FRAS1: variants seen among roughly 807,000 people sequenced by gnomAD.
The protein encoded by FRAS1 is extracellular matrix organizing protein FRAS1.
FRAS1 carries 290 observed loss-of-function variants against 435.2 expected under a neutral mutation model. That is an observed-to-expected ratio of 0.67 (90% CI 0.61 to 0.73). The LOEUF is 0.73. Ranked by LOEUF, FRAS1 falls within the 30% of genes least tolerant of loss-of-function variation. FRAS1 has a pLI of 0.00. For synonymous variants in FRAS1, 1,800 were observed against 1,851.0 expected (o/e 0.97, Z 0.71); for missense variants, 4,860 against 5,001.5 (o/e 0.97, Z 0.85).
intron 18 of FRAS1, among the ~76,000 whole-genome samples, chr4:78,327,313 A>G (rs1056661638): frequency 1.3e-5 from 2 of 152,222 alleles, no homozygotes; most frequent in South Asian, 4.1e-4. Flanking sequence ...TTGTGAGTCT[A>G]GAGGATTTTG....
In FRAS1 at chr4:78,515,861, C is replaced by G. The variant is rs189612722; in HGVS notation, c.10237C>G (p.Pro3413Ala). Residue 3413 changes from proline (P) to alanine (A), a missense_variant, in exon 66 of 74, where the codon CCC (proline) becomes GCC (alanine). Physicochemically the swap from Pro to Ala is conservative, Grantham distance 27. Transcript: ENST00000512123. ...TGCCCTGGGGCCTGGCTACGATCGCCCCTTCCAGTTTGACCCCAGCGTGCG... is the reference window on the plus strand; with the variant it reads ...TGCCCTGGGGCCTGGCTACGATCGCGCCTTCCAGTTTGACCCCAGCGTGCG... Reference protein sequence around the residue: ...STALGPGYDRPFQFDPSVREP... With the variant: ...STALGPGYDRAFQFDPSVREP... 6.2e-7 allele frequency: 1 copy of G among 1,614,012 alleles called. No individual in the cohort carries two copies. Among genetic ancestry groups the G allele is most frequent in the East Asian group, 2.2e-5 (1 of 44,872 alleles).
intron 58 of FRAS1, 117 bp from the exon 59 acceptor site, chr4:78,488,758 C>T: frequency 1.2e-6 from 1 of 846,034 alleles, no homozygotes; most frequent in Non-Finnish European, 1.8e-6. Flanking sequence ...GTCAGCCTAC[C>T]TTGGGCTTTG....
At chr4:78,313,862 T>A (rs1275119209) in intron 15 of FRAS1, among the ~76,000 whole-genome samples, 3 of 152,190 alleles carry the variant, frequency 2.0e-5, no homozygotes, top group African/African-American at 7.2e-5. Context: ...CAGTTTATAA[T>A]CATAGCCTTC....
At chr4:78,489,969 A>AAAAAC (rs1720294453) in intron 59 of FRAS1, among the ~76,000 whole-genome samples, 1 of 7,032 alleles carries the variant, frequency 1.4e-4, no homozygotes, top group Non-Finnish European at 3.9e-4. Flanking sequence ...AGTGGAAAAC[A>AAAAAC]AAAAAAAAAA....
At position 78,541,334 on chromosome 4, in the gene FRAS1, T is replaced by C. The variant is rs1722044575; in HGVS notation, c.*210T>C. On this transcript the variant is annotated 3_prime_UTR_variant, in exon 74 of 74. Transcript: ENST00000512123. ...AGAGTATTACAGTTATTTCCGTAGA[T>C]CCCTTTAATAGTGTCAACAACTGTA... is the stretch of plus-strand genomic sequence containing the variant. The C allele has an allele frequency of 2.6e-6, 1 of 390,614 alleles. No individual in the cohort carries two copies. Among genetic ancestry groups the C allele is most frequent in the African/African-American group, 2.1e-5 (1 of 48,400 alleles). The allele number at this position is 390,614 out of a possible 1,614,324, so 24.2% of individuals were successfully genotyped here.
intron 26 of FRAS1, among the ~76,000 whole-genome samples, chr4:78,376,543 T>A (rs1054133008): frequency 5.3e-5 from 8 of 152,294 alleles, no homozygotes; most frequent in East Asian, 3.9e-4. Context: ...TATATAAATT[T>A]GTATAGCTAA....
At chr4:78,207,161 A>G (rs1327371701) in intron 2 of FRAS1, among the ~76,000 whole-genome samples, 1 of 152,238 alleles carries the variant, frequency 6.6e-6, no homozygotes, top group Non-Finnish European at 1.5e-5. Context: ...AAGCCTTGTA[A>G]TACAATCCTT....
rs200292361 is a variant in FRAS1 at position 78,374,158 on chromosome 4, C to T, written c.3058C>T (p.Arg1020Cys). 1.7e-3 allele frequency: 2,768 copies of T among 1,605,448 alleles called. 5 individuals carry two copies. The highest frequency in any genetic ancestry group is 2.2e-3 in the Non-Finnish European group (2,617 of 1,173,858). The part of the protein sequence containing the change: ...LQCQGPHECT[R>C]CKGPFLLLEA... ...GTGCCAAGGTCCCCATGAGTGTACCCGCTGCAAAGGGCCATTTCTCCTCTT... is the reference window on the plus strand; with the variant it reads ...GTGCCAAGGTCCCCATGAGTGTACCTGCTGCAAAGGGCCATTTCTCCTCTT... Residue 1020 changes from arginine to cysteine, a missense_variant, in exon 25 of 74, where the codon CGC (arginine) becomes TGC (cysteine). Coordinates refer to ENST00000512123, the MANE Select transcript of FRAS1 (RefSeq NM_025074.7).
In FRAS1 at chr4:78,479,541, A is replaced by T. The variant is rs1719947800; in HGVS notation, c.8266A>T (p.Met2756Leu). The T allele has an allele frequency of 6.2e-7, 1 of 1,613,860 alleles. No individual in the cohort carries two copies. Among genetic ancestry groups the T allele is most frequent in the Non-Finnish European group, 8.5e-7 (1 of 1,179,848 alleles). ...TGTGACCATGTCCACCTGTGATGTC[A>T]TGCTTATTGATGACAGCGAGTATGA... ...PGVTMSTCDV[M>L]LIDDSEYEEE... is the part of the protein sequence containing the mutation. Residue 2756 changes from methionine (M) to leucine (L), a missense_variant, in exon 56 of 74, where the codon ATG (methionine) becomes TTG (leucine). Met to Leu is a conservative substitution (Grantham distance 15). Transcript: ENST00000512123.
chr4:78,428,176 A>G (rs1734066317), intron 35 of FRAS1, among the ~76,000 whole-genome samples: 1 of 152,242 alleles, frequency 6.6e-6, no homozygotes, highest in Admixed American at 6.5e-5. Flanking sequence ...TTGGATGTCA[A>G]AAAATCCAGG....
intron 14 of FRAS1, among the ~76,000 whole-genome samples, chr4:78,290,401 G>A (rs1019404071): frequency 1.3e-5 from 2 of 151,982 alleles, no homozygotes; most frequent in African/African-American, 2.4e-5. Flanking sequence ...TTAAGAGCTT[G>A]GACCCTGGAG....
Position 78,252,373 on chromosome 4 carries a change from C to G in FRAS1, c.310-19C>G. 6.8e-7 allele frequency: 1 copy of G among 1,470,412 alleles called. No individual in the cohort carries two copies. 91.1% of individuals were successfully genotyped at this position (1,470,412 alleles called of 1,614,324 possible). On this transcript the variant is annotated intron_variant, in intron 4 of 73. Coordinates refer to ENST00000512123, the MANE Select transcript of FRAS1 (RefSeq NM_025074.7). ...TTTTGGCACTAACCTTTTTTTTTTT[C>G]TGTCTCCCTAACACACAGCATGGGA...
chr4:78,367,588 A>T (rs920364427), intron 22 of FRAS1, among the ~76,000 whole-genome samples: 1 of 152,130 alleles, frequency 6.6e-6, no homozygotes, highest in Non-Finnish European at 1.5e-5. Context: ...TATGTTGCAT[A>T]TCATCACATT....
chr4:78,196,943 G>T (rs1438084685), intron 2 of FRAS1, among the ~76,000 whole-genome samples: 1 of 152,122 alleles, frequency 6.6e-6, no homozygotes, highest in Non-Finnish European at 1.5e-5. Context: ...AAAATTGGTT[G>T]CAATGCAGGG....
intron 9 of FRAS1, among the ~76,000 whole-genome samples, chr4:78,272,731 G>C (rs1726774693): frequency 6.6e-6 from 1 of 152,194 alleles, no homozygotes; most frequent in Non-Finnish European, 1.5e-5. Context: ...AGTATAGTTT[G>C]AAGTCAGGTA....
chr4:78,466,201 C>T lies in FRAS1; in HGVS notation c.7030-7C>T, dbSNP rs747089864. The T allele has an allele frequency of 4.5e-5, 73 of 1,612,522 alleles. No individual in the cohort carries two copies. The highest frequency in any genetic ancestry group is 1.6e-4 in the Middle Eastern group (1 of 6,076). ...CCCTCCCCTCTGGTATTTTGCCTTC[C>T]GGACAGGCCGAGTCTGTCACATTCA... On this transcript the variant is annotated splice_region_variant and splice_polypyrimidine_tract_variant and intron_variant, in intron 49 of 73. Coordinates refer to ENST00000512123, the MANE Select transcript of FRAS1 (RefSeq NM_025074.7).
At chr4:78,112,318 C>T (rs1003355658) in intron 2 of FRAS1, among the ~76,000 whole-genome samples, 11 of 152,106 alleles carry the variant, frequency 7.2e-5, no homozygotes, top group Non-Finnish European at 8.8e-5. Context: ...TTAAAAGACT[C>T]ACCAATCACT....
At chr4:78,317,341 C>T (rs754953910) in intron 16 of FRAS1, 27 bp from the exon 17 acceptor site, 9 of 1,613,340 alleles carry the variant, frequency 5.6e-6, no homozygotes, top group Admixed American at 3.3e-5. Context: ...TGTCCCATGG[C>T]GTTCTCCCTC....
chr4:78,434,995 C>T (rs1457301079), intron 38 of FRAS1, among the ~76,000 whole-genome samples: 7 of 152,104 alleles, frequency 4.6e-5, no homozygotes, highest in African/African-American at 1.7e-4. Flanking sequence ...CAGTTCCAAT[C>T]AAAAGCCTAA....
Sources: allele counts gnomAD v4.1 joint callset (sites outside exome capture counted in the v4.1 genomes callset), GRCh38; gene constraint gnomAD v4.1.1; transcripts MANE v1.5; gene names NCBI Gene and HGNC (gene_info 2026-07-23, HGNC 2026-07-21).